IQCN: variants seen among roughly 807,000 people sequenced by gnomAD.
IQCN encodes IQ domain-containing protein N.
A neutral mutation model predicts 64.4 loss-of-function variants in IQCN; 46 were observed. The ratio of observed to expected loss-of-function variants is 0.71; its 90% CI spans 0.56 to 0.91. The LOEUF is 0.91. Among genes scored for constraint, IQCN ranks in the 40% least tolerant of loss-of-function variants. The pLI, the probability that IQCN is intolerant of heterozygous loss-of-function variation, is 0.00. For missense variants in IQCN, 1,753 were observed against 1,857.4 expected, an observed-to-expected ratio of 0.94 and a Z score of 1.03; for synonymous variants, 733 against 775.6, an observed-to-expected ratio of 0.95 and a Z score of 0.91.
chr19:18,269,425 T>G, intron 2 of IQCN, 41 bp downstream of exon 2: 1 of 1,607,500 alleles, frequency 6.2e-7, no homozygotes, highest in Non-Finnish European at 8.5e-7. Flanking sequence ...TCTCTTCAGG[T>G]TGGACTAGCC....
At chr19:18,258,150 G>C (rs925271602) in intron 3 of IQCN, 44 bp from the exon 4 acceptor site, 1 of 1,591,066 alleles carries the variant, frequency 6.3e-7, no homozygotes, top group Non-Finnish European at 8.5e-7. Flanking sequence ...ACTAACGGCA[G>C]GATTCTGGGG....
chr19:18,272,649 C>G (rs1260157644), intron 1 of IQCN, among the ~76,000 whole-genome samples: 1 of 145,820 alleles, frequency 6.9e-6, no homozygotes, highest in East Asian at 2.0e-4. Context: ...CTCGTTCTGT[C>G]TCCCAGGCTG....
chr19:18,272,295 T>TA (rs1969750262), intron 1 of IQCN, among the ~76,000 whole-genome samples: 2 of 150,258 alleles, frequency 1.3e-5, no homozygotes, highest in East Asian at 2.0e-4. Flanking sequence ...GCCTAGCAAA[T>TA]TTTTGTATTT....
At chr19:18,263,550 T>C (rs947447331) in intron 3 of IQCN, among the ~76,000 whole-genome samples, 15 of 152,290 alleles carry the variant, frequency 9.8e-5, no homozygotes, top group African/African-American at 3.4e-4. Flanking sequence ...CTTGGATGCC[T>C]GAGTTTTGGT....
rs1377806558 is a variant in IQCN, at chr19:18,264,678, C to T, written c.2862G>A (p.Leu954=). 1 of 1,551,206 alleles carries T rather than the reference C, an allele frequency of 6.4e-7. No individual in the cohort carries two copies. Among genetic ancestry groups the T allele is most frequent in the Non-Finnish European group, 8.7e-7 (1 of 1,147,002 alleles). ...SELRLTLSRA[L]SRGELRAELT... ...GTTCCGCCCGCAGCTCGCCCCGGGA[C>T]AGGGCTCGGGACAGGGTCAGGCGCA... The change falls in exon 3 of 4, where the codon CTG becomes CTA. Residue 954 remains leucine, a synonymous_variant. Transcript: ENST00000392413. The surrounding 1 kb of genome is among the most constrained non-coding windows in gnomAD (Gnocchi z 4.3).
At chr19:18,269,898 C>G (rs139511478) in intron 1 of IQCN, among the ~76,000 whole-genome samples, 2 of 151,960 alleles carry the variant, frequency 1.3e-5, no homozygotes, top group East Asian at 3.9e-4. Flanking sequence ...ATTAATCATA[C>G]AAGGGCATGA....
chr19:18,267,193 C>G lies in IQCN; in HGVS notation c.347G>C (p.Gly116Ala). ...AATLIQANWR[G>A]YWLRQKLISQ... ...AATCAGCTTCTGCCGGAGCCAATAG[C>G]CCCTCCAGTTGGCTTGGATGAGCGT... The change falls in exon 3 of 4, where the codon GGC becomes GCC. Residue 116 changes from glycine (G) to alanine (A), a missense_variant. Transcript: ENST00000392413. 3.7e-6 allele frequency: 6 copies of G among 1,614,264 alleles called. No homozygotes were observed. Among genetic ancestry groups the G allele is most frequent in the Non-Finnish European group, 5.1e-6 (6 of 1,180,058 alleles).
intron 1 of IQCN, among the ~76,000 whole-genome samples, chr19:18,271,684 T>C (rs763018838): frequency 1.9e-4 from 29 of 152,088 alleles, no homozygotes; most frequent in Non-Finnish European, 2.4e-4. Context: ...AGGGTGCAGA[T>C]GTGGGAACAG....
intron 1 of IQCN, among the ~76,000 whole-genome samples, chr19:18,273,441 A>G (rs1275371795): frequency 1.3e-5 from 2 of 152,092 alleles, no homozygotes; most frequent in Non-Finnish European, 2.9e-5. Context: ...GGTTCAAGCG[A>G]TTCTCCTGCC....
rs760086120 is a variant in IQCN at position 18,257,265 on chromosome 19, C to A, written c.4019G>T (p.Arg1340Leu). Residue 1340 changes from arginine to leucine, a missense_variant, in exon 4 of 4, where the codon CGG becomes CTG. Arg to Leu is a moderately radical substitution (Grantham distance 102, BLOSUM62 -2). Coordinates refer to ENST00000392413, the MANE Select transcript of IQCN (RefSeq NM_001145304.2). ...CGCCTCTGTGTTCTTCAGACAGCTCCGGGTATGGTGGCCTCGCCAGGTGGC... is the reference window on the plus strand; with the variant it reads ...CGCCTCTGTGTTCTTCAGACAGCTCAGGGTATGGTGGCCTCGCCAGGTGGC... The part of the protein sequence containing the change: ...VQATWRGHHT[R>L]SCLKNTEALL... 1 of 1,613,714 alleles carries A rather than the reference C, an allele frequency of 6.2e-7. No homozygotes were observed. Among genetic ancestry groups the A allele is most frequent in the Admixed American group, 1.7e-5 (1 of 60,028 alleles).
In IQCN at chr19:18,267,026, G is replaced by C; in HGVS notation, c.514C>G (p.Arg172Gly). 6.2e-7 allele frequency: 1 copy of C among 1,614,236 alleles called. No homozygotes were observed. Among genetic ancestry groups the C allele is most frequent in the Non-Finnish European group, 8.5e-7 (1 of 1,180,034 alleles). Residue 172 changes from arginine to glycine, a missense_variant, in exon 3 of 4, where the codon CGC becomes GGC. By Grantham distance (125) the Arg-to-Gly change is moderately radical. Transcript: ENST00000392413. ...CGGTTCTCTTCCGGATGCTGGAAGC[G>C]CACCTGCTGTGGGGCGTGATAAGGT... ...DIPYHAPQQV[R>G]FQHPEENRLL...
Position 18,266,959 on chromosome 19 carries a change from A to C in IQCN, c.581T>G (p.Phe194Cys). Residue 194 changes from phenylalanine to cysteine, a missense_variant, in exon 3 of 4, where the codon TTC (phenylalanine) becomes TGC (cysteine). Transcript: ENST00000392413. This position sits in a 1 kb window ranked among gnomAD's most constrained non-coding sequence, Gnocchi z 4.3. The part of the protein sequence containing the change: ...PPIMVNKETQ[F>C]PSCDNLVLCR... ...GAGGACCAGATTGTCACAGGAAGGG[A>C]ACTGGGTCTCCTTGTTCACCATGAT... is the stretch of plus-strand genomic sequence containing the variant. 6.2e-7 allele frequency: 1 copy of C among 1,613,198 alleles called. No homozygotes were observed. Among genetic ancestry groups the C allele is most frequent in the Non-Finnish European group, 8.5e-7 (1 of 1,179,324 alleles).
At position 18,257,979 on chromosome 19, in the gene IQCN, G is replaced by T. The variant is rs1328595853; in HGVS notation, c.3305C>A (p.Pro1102Gln). Residue 1102 changes from proline (P) to glutamine (Q), a missense_variant, in exon 4 of 4, where the codon CCA (proline) becomes CAA (glutamine). By Grantham distance (76) the Pro-to-Gln change is moderately conservative. Coordinates refer to ENST00000392413, the MANE Select transcript of IQCN (RefSeq NM_001145304.2). ...CTCTGCAGCCTGCATGGACACCATT[G>T]GCTCCCCGGACCGCCTGGGAGGCAC... ...AVVPPRRSGE[P>Q]MVSMQAAEEI... 2 of 1,612,490 alleles carry T rather than the reference G, an allele frequency of 1.2e-6. No homozygotes were observed. The highest frequency in any genetic ancestry group is 3.3e-5 in the Admixed American group (2 of 60,016).
chr19:18,273,252 G>A (rs926121130), intron 1 of IQCN, among the ~76,000 whole-genome samples: 8 of 150,684 alleles, frequency 5.3e-5, no homozygotes, highest in African/African-American at 1.7e-4. Flanking sequence ...GACTGGTCTC[G>A]AACCCCTGAC....
rs757676566 is a variant in IQCN, at chr19:18,266,057, T to C, written c.1483A>G (p.Thr495Ala). ...TTGGTTATCATGGCTGGCAGGCGGG[T>C]CTGGGGTGAGGGCTTGGTCACCCCA... ...PVGVTKPSPQTRLPAMITKTP... is the reference protein window; with the variant it reads ...PVGVTKPSPQARLPAMITKTP... Residue 495 changes from threonine (T) to alanine (A), a missense_variant, in exon 3 of 4, where the codon ACC becomes GCC. Transcript: ENST00000392413. This position sits in a 1 kb window ranked among gnomAD's most constrained non-coding sequence, Gnocchi z 4.3. 1.4e-5 allele frequency: 23 copies of C among 1,610,284 alleles called. No homozygotes were observed. The highest frequency in any genetic ancestry group is 2.0e-5 in the Non-Finnish European group (23 of 1,179,018).
Position 18,267,041 on chromosome 19 carries a change from C to G in IQCN, c.499G>C (p.Ala167Pro), listed in dbSNP as rs201062666. 6.2e-7 allele frequency: 1 copy of G among 1,614,108 alleles called. No homozygotes were observed. Among genetic ancestry groups the G allele is most frequent in the African/African-American group, 1.3e-5 (1 of 74,940 alleles). ...TGCTGGAAGCGCACCTGCTGTGGGG[C>G]GTGATAAGGTATGTCCCCCTCCTCC... ...RAEEGDIPYH[A>P]PQQVRFQHPE... The change falls in exon 3 of 4, where the codon GCC (alanine) becomes CCC (proline). Residue 167 changes from alanine to proline, a missense_variant. By Grantham distance (27) the Ala-to-Pro change is conservative (BLOSUM62 -1). Transcript: ENST00000392413.
intron 2 of IQCN, among the ~76,000 whole-genome samples, chr19:18,268,954 T>A (rs1424439640): frequency 8.2e-6 from 1 of 121,956 alleles, no homozygotes; most frequent in Non-Finnish European, 1.6e-5. Flanking sequence ...AGAGCAAGAC[T>A]CTGTCTCAAA....
intron 3 of IQCN, chr19:18,262,489 T>C (rs1039470200): frequency 2.0e-5 from 3 of 152,616 alleles, no homozygotes; most frequent in East Asian, 1.9e-4. Flanking sequence ...CCACTGTCCA[T>C]AGATGGCTGG....
At position 18,257,578 on chromosome 19, in the gene IQCN, T is replaced by G; in HGVS notation, c.3706A>C (p.Ser1236Arg). The stretch of plus-strand genomic sequence containing the variant: ...CTGGGCGGGCTCCCGATCCTGGAGC[T>G]CAGGGAGTGGCAGACGCTGCAAGCG... ...AHACSVCHSL[S>R]SRIGSPPSVV... is the part of the protein sequence containing the mutation. Residue 1236 changes from serine to arginine, a missense_variant, in exon 4 of 4, where the codon AGC becomes CGC. Ser to Arg is a moderately radical substitution (Grantham distance 110, BLOSUM62 -1). Coordinates refer to ENST00000392413, the MANE Select transcript of IQCN (RefSeq NM_001145304.2). The G allele has an allele frequency of 6.2e-7, 1 of 1,612,726 alleles. No homozygotes were observed. Among genetic ancestry groups the G allele is most frequent in the South Asian group, 1.1e-5 (1 of 91,086 alleles).
Sources: gnomAD v4.1 joint callset for allele counts (sites outside exome capture counted in the v4.1 genomes callset) on GRCh38, gnomAD v4.1.1 for gene constraint, Gnocchi (gnomAD v3.1) non-coding constraint, MANE v1.5 for transcripts, NCBI Gene and HGNC (gene_info 2026-07-23, HGNC 2026-07-21) for gene names.